Variants in RPS16 observed in about 807,000 individuals in gnomAD.
RPS16 encodes the protein small ribosomal subunit protein uS9.
In RPS16, 2 loss-of-function variants were observed where a neutral mutation model predicts 20.1. The ratio of observed to expected loss-of-function variants is 0.10; its 90% confidence interval spans 0.04 to 0.31. RPS16 has a LOEUF of 0.31. Ranked by LOEUF, RPS16 falls within the 10% of genes least tolerant of loss-of-function variation. The pLI, the probability that RPS16 is intolerant of heterozygous loss-of-function variation, is 1.00. For missense variants in RPS16, 129 were observed against 198.6 expected, an observed-to-expected ratio of 0.65 and a Z score of 2.11; for synonymous variants, 95 against 76.1, an observed-to-expected ratio of 1.25 and a Z score of -1.29.
chr19:39,433,973 T>C lies in RPS16; in HGVS notation c.151-212A>G, dbSNP rs1022526534. ...AGACTGCTGAAGTGGTGTTAAGAAA[T>C]ATAGGCAAGGTAAAGGGAACAAGAT... On this transcript the variant is annotated intron_variant, in intron 2 of 4. Coordinates refer to ENST00000251453, the MANE Select transcript of RPS16 (RefSeq NM_001020.6). The C allele has an allele frequency of 1.8e-5, 10 of 553,714 alleles. No individual in the cohort carries two copies. The South Asian group carries it at 1.8e-4, about 10-fold the overall frequency. The allele number at this position is 553,714 out of a possible 1,614,324, so 34.3% of individuals were successfully genotyped here.
Position 39,434,109 on chromosome 19 carries a change from CA to C in RPS16, c.151-349del, listed in dbSNP as rs570663059. ...GCATTCCAATAGCTTCTGAAACTCC[CA>C]AGGCTGTTTCAAGTAGTCGAAAGCC... On this transcript the variant is annotated intron_variant, in intron 2 of 4. Coordinates refer to ENST00000251453, the MANE Select transcript of RPS16 (RefSeq NM_001020.6). The C allele has an allele frequency of 6.0e-4, 190 of 315,990 alleles. 1 individual carries two copies. The highest frequency in any genetic ancestry group is 5.8e-3 in the South Asian group (188 of 32,556). 19.6% of individuals were successfully genotyped at this position (315,990 alleles called of 1,614,324 possible).
chr19:39,435,299 AAAAC>A (rs2078854465), intron 2 of RPS16: 1 of 329,548 alleles, frequency 3.0e-6, no homozygotes, highest in African/African-American at 2.3e-5. Flanking sequence ...ACTCCCTCTC[AAAAC>A]AAATAAATAA....
At position 39,435,610 on chromosome 19, in the gene RPS16, G is replaced by A. The variant is rs1226225541; in HGVS notation, c.147C>T (p.Tyr49=). The A allele has an allele frequency of 1.2e-6, 2 of 1,613,304 alleles. No homozygotes were observed. Among genetic ancestry groups the A allele is most frequent in the Non-Finnish European group, 8.5e-7 (1 of 1,179,846 alleles). The change falls in exon 2 of 5, where the codon TAC becomes TAT. Residue 49 remains tyrosine, a synonymous_variant. Coordinates refer to ENST00000251453, the MANE Select transcript of RPS16 (RefSeq NM_001020.6). ...CGCCGGTGCCGGATCCCAGCACCTT[G>A]TACTGTAGCGTGCGCGGCTCAATCA... ...LEMIEPRTLQ[Y]KLLEPVLLLG...
chr19:39,433,632 ACCT>A, intron 3 of RPS16, 30 bp downstream of exon 3: 1 of 1,614,100 alleles, frequency 6.2e-7, no homozygotes, highest in Non-Finnish European at 8.5e-7. Context: ...TCCCAGAGCC[ACCT>A]CCTCCATGCG....
At chr19:39,434,021 C>T (rs2078845952) in intron 2 of RPS16, 8 of 466,864 alleles carry the variant, frequency 1.7e-5, no homozygotes, top group Non-Finnish European at 3.2e-5. Context: ...CTACTTGTGT[C>T]CCTCACTGGA....
At position 39,433,182 on chromosome 19, in the gene RPS16, T is replaced by C. The variant is rs1322600149; in HGVS notation, c.*91A>G. On this transcript the variant is annotated 3_prime_UTR_variant, in exon 5 of 5. Coordinates refer to ENST00000251453, the MANE Select transcript of RPS16 (RefSeq NM_001020.6). ...GATTTCTGTCTGGTTAAACATCCAA[T>C]ACCAACACATAAGGCCACACACAGT... is the stretch of plus-strand genomic sequence containing the variant. 1.5e-6 allele frequency: 2 copies of C among 1,343,360 alleles called. No individual in the cohort carries two copies. Among genetic ancestry groups the C allele is most frequent in the Non-Finnish European group, 2.1e-6 (2 of 955,080 alleles). 83.2% of individuals were successfully genotyped at this position (1,343,360 alleles called of 1,614,324 possible). A position where few individuals can be genotyped will look rare whatever the true frequency, so the allele number is the denominator to read the frequency against.
At chr19:39,434,893 G>C (rs2078851686) in intron 2 of RPS16, 1 of 152,242 alleles carries the variant, frequency 6.6e-6, no homozygotes, top group Non-Finnish European at 1.5e-5. Flanking sequence ...AAAAGTAGTA[G>C]AGTTCAGAAG....
Position 39,433,186 on chromosome 19 carries a change from A to C in RPS16, c.*87T>G, listed in dbSNP as rs1005681085. ...TCTGTCTGGTTAAACATCCAATACC[A>C]ACACATAAGGCCACACACAGTTCTT... On this transcript the variant is annotated 3_prime_UTR_variant, in exon 5 of 5. Coordinates refer to ENST00000251453, the MANE Select transcript of RPS16 (RefSeq NM_001020.6). 17 of 1,381,214 alleles carry C rather than the reference A, an allele frequency of 1.2e-5. No homozygotes were observed. Among genetic ancestry groups the C allele is most frequent in the Non-Finnish European group, 1.7e-5 (17 of 988,174 alleles). 85.6% of individuals were successfully genotyped at this position (1,381,214 alleles called of 1,614,324 possible).
chr19:39,433,193 A>G lies in RPS16; in HGVS notation c.*80T>C. 7.0e-7 allele frequency: 1 copy of G among 1,424,804 alleles called. No homozygotes were observed. The allele number at this position is 1,424,804 out of a possible 1,614,324, so 88.3% of individuals were successfully genotyped here. A position where few individuals can be genotyped will look rare whatever the true frequency, so the allele number is the denominator to read the frequency against. The stretch of plus-strand genomic sequence containing the variant: ...GGTTAAACATCCAATACCAACACAT[A>G]AGGCCACACACAGTTCTTGAAACTT... On this transcript the variant is annotated 3_prime_UTR_variant, in exon 5 of 5. Transcript: ENST00000251453.
Position 39,435,945 on chromosome 19 carries a change from A to G in RPS16, c.-50T>C, listed in dbSNP as rs755655561. ...CTCACCGCGCGGCGCCGCAACCGGA[A>G]AAGGAAAGCTAGGGGCCACCCTGGC... On this transcript the variant is annotated 5_prime_UTR_variant, in exon 1 of 5. Coordinates refer to ENST00000251453, the MANE Select transcript of RPS16 (RefSeq NM_001020.6). The G allele has an allele frequency of 1.2e-6, 2 of 1,601,010 alleles. No individual in the cohort carries two copies. Among genetic ancestry groups the G allele is most frequent in the South Asian group, 1.1e-5 (1 of 91,038 alleles).
rs750866168 is a variant in RPS16 at position 39,435,885 on chromosome 19, T to C, written c.11A>G (p.Lys4Arg). The C allele has an allele frequency of 1.9e-4, 309 of 1,606,316 alleles. No homozygotes were observed. Among genetic ancestry groups the C allele is most frequent in the Non-Finnish European group, 2.5e-4 (295 of 1,179,980 alleles). Reference protein sequence around the residue: MPSKGPLQSVQVFG... With the variant: MPSRGPLQSVQVFG... ...GACCTGCACAGACTGCAGCGGGCCC[T>C]TGGACGGCATGGCTCCGAGCGTGGA... Residue 4 changes from lysine (K) to arginine (R), a missense_variant, in exon 1 of 5, where the codon AAG becomes AGG. By Grantham distance (26) the Lys-to-Arg change is conservative. Around this residue, in one of 2 missense-constraint regions of RPS16, gnomAD observed 117 missense variants for 151.4 expected, o/e 0.77. Transcript: ENST00000251453.
intron 2 of RPS16, chr19:39,434,515 T>C (rs1204300369): frequency 1.3e-5 from 2 of 152,236 alleles, no homozygotes; most frequent in Non-Finnish European, 2.9e-5. Context: ...ATTCAACATC[T>C]GCTACACAAA....
At chr19:39,435,387 G>T in intron 2 of RPS16, 1 of 539,006 alleles carries the variant, frequency 1.9e-6, no homozygotes, top group East Asian at 3.0e-5. Flanking sequence ...TAACATCCCA[G>T]TTCTCAAAGC....
intron 2 of RPS16, 73 bp downstream of exon 2, chr19:39,435,534 G>A: frequency 3.1e-6 from 4 of 1,287,510 alleles, no homozygotes; most frequent in Admixed American, 1.9e-5. Flanking sequence ...AGCCCCCCCA[G>A]CTTTCAAGAG....
rs1396627166 is a variant in RPS16, at chr19:39,433,405, A to T, written c.309T>A (p.Ala103=). 1.9e-6 allele frequency: 3 copies of T among 1,614,116 alleles called. No homozygotes were observed. In the East Asian group the frequency reaches 6.7e-5, roughly 36 times the overall value. The change falls in exon 5 of 5, where the codon GCT becomes GCA. Residue 103 remains alanine (A), a synonymous_variant. Coordinates refer to ENST00000251453, the MANE Select transcript of RPS16 (RefSeq NM_001020.6). The part of the protein sequence containing the change: ...VAYYQKYVDE[A]SKKEIKDILI... ...GGATGTCTTTGATCTCCTTCTTGGA[A>T]GCCTCATCCACATCTGGCAAGAAGA...
In RPS16 at chr19:39,435,631, A is replaced by C. The variant is rs1197932147; in HGVS notation, c.126T>G (p.Ile42Met). The part of the protein sequence containing the change: ...IKVNGRPLEM[I>M]EPRTLQYKLL... Reference sequence around the variant, plus strand: ...CCTTGTACTGTAGCGTGCGCGGCTCAATCATCTCCAGGGGCCGCCCGTTCA... The same window carrying C: ...CCTTGTACTGTAGCGTGCGCGGCTCCATCATCTCCAGGGGCCGCCCGTTCA... Residue 42 changes from isoleucine to methionine, a missense_variant, in exon 2 of 5, where the codon ATT becomes ATG. Transcript: ENST00000251453. 53 of 1,613,812 alleles carry C rather than the reference A, an allele frequency of 3.3e-5. No individual in the cohort carries two copies. Among genetic ancestry groups the C allele is most frequent in the Non-Finnish European group, 4.4e-5 (52 of 1,180,040 alleles).
rs2078838993 is a variant in RPS16, at chr19:39,433,153, T to C, written c.*120A>G. ...AGACTGGCAATAGGTCCAGGATGTTTACTGATTTCTGTCTGGTTAAACATC... is the reference window on the plus strand; with the variant it reads ...AGACTGGCAATAGGTCCAGGATGTTCACTGATTTCTGTCTGGTTAAACATC... On this transcript the variant is annotated 3_prime_UTR_variant, in exon 5 of 5. Coordinates refer to ENST00000251453, the MANE Select transcript of RPS16 (RefSeq NM_001020.6). 2 of 1,129,362 alleles carry C rather than the reference T, an allele frequency of 1.8e-6. No individual in the cohort carries two copies. The highest frequency in any genetic ancestry group is 2.4e-5 in the East Asian group (1 of 42,146). The allele number at this position is 1,129,362 out of a possible 1,614,324, so 70.0% of individuals were successfully genotyped here. A position where few individuals can be genotyped will look rare whatever the true frequency, so the allele number is the denominator to read the frequency against.
intron 2 of RPS16, chr19:39,435,350 C>A (rs965376598): frequency 2.1e-5 from 10 of 482,744 alleles, no homozygotes; most frequent in African/African-American, 3.9e-5. Context: ...CCCTTTGGGT[C>A]CCCCCGCCCC....
chr19:39,435,769 C>T lies in RPS16; in HGVS notation c.49-61G>A. On this transcript the variant is annotated intron_variant, in intron 1 of 4. Transcript: ENST00000251453. Reference sequence around the variant, plus strand: ...TCCGGCTCCAGCTCCCATGTTACCCCCTAGATTCCTGCCCACCGACCTCTC... The same window carrying T: ...TCCGGCTCCAGCTCCCATGTTACCCTCTAGATTCCTGCCCACCGACCTCTC... 4.4e-6 allele frequency: 7 copies of T among 1,606,214 alleles called. No individual in the cohort carries two copies. The Admixed American group carries it at 5.0e-5, about 11-fold the overall frequency.
Sources: allele counts gnomAD v4.1 joint callset, GRCh38; gene constraint gnomAD v4.1.1; regional missense constraint gnomAD v4.1.1; transcripts MANE v1.5; gene names NCBI Gene and HGNC (gene_info 2026-07-23, HGNC 2026-07-21).